The following INPP4A variants were observed in gnomAD, a reference collection of about 807,000 sequenced individuals.
The protein encoded by INPP4A is inositol polyphosphate-4-phosphatase, type I, 107kD.
In INPP4A, 33 loss-of-function variants were observed where a neutral mutation model predicts 119.8. The ratio of observed to expected loss-of-function variants is 0.28; its 90% CI spans 0.21 to 0.37. The LOEUF (loss-of-function observed/expected upper bound fraction) is 0.37, where lower values mean the gene tolerates loss of function less well. Ranked by LOEUF, INPP4A falls within the 10% of genes least tolerant of loss-of-function variation. The pLI, the probability that INPP4A is intolerant of heterozygous loss-of-function variation, is 1.00. For missense variants in INPP4A, 956 were observed against 1,289.9 expected, an observed-to-expected ratio of 0.74 and a Z score of 3.97; for synonymous variants, 496 against 500.7, an observed-to-expected ratio of 0.99 and a Z score of 0.12.
intron 1 of INPP4A, among the ~76,000 whole-genome samples, chr2:98,502,440 T>C (rs1683299774): frequency 6.6e-6 from 1 of 152,194 alleles, no homozygotes; most frequent in Admixed American, 6.5e-5. Context: ...ACCAAGAGTG[T>C]TTTAAAAAAT....
intron 1 of INPP4A, among the ~76,000 whole-genome samples, chr2:98,497,910 G>A (rs1273427235): frequency 6.6e-6 from 1 of 152,168 alleles, no homozygotes; most frequent in African/African-American, 2.4e-5. Context: ...CTCCCATTTG[G>A]AATGGCTGTG....
At chr2:98,455,314 G>T (rs1695934373) in intron 1 of INPP4A, among the ~76,000 whole-genome samples, 1 of 152,002 alleles carries the variant, frequency 6.6e-6, no homozygotes, top group Non-Finnish European at 1.5e-5. Context: ...CTCCAACCTG[G>T]GTGACAGAGT....
intron 13 of INPP4A, among the ~76,000 whole-genome samples, chr2:98,547,680 G>A (rs1212105434): frequency 6.6e-6 from 1 of 152,120 alleles, no homozygotes; most frequent in Non-Finnish European, 1.5e-5. Flanking sequence ...AAAGACAGAA[G>A]TGGATGAGGT....
intron 1 of INPP4A, among the ~76,000 whole-genome samples, chr2:98,482,215 T>G (rs751380049): frequency 3.3e-5 from 5 of 152,274 alleles, no homozygotes; most frequent in Non-Finnish European, 7.3e-5. Flanking sequence ...GTAAAATGTT[T>G]TCTGTATCCT....
intron 9 of INPP4A, 57 bp downstream of exon 9, chr2:98,539,038 C>A: frequency 9.9e-7 from 1 of 1,007,312 alleles, no homozygotes; most frequent in Non-Finnish European, 1.5e-6. Flanking sequence ...CACTTGGGCC[C>A]GCAGTCCCCT....
At chr2:98,452,421 G>A (rs1695387861) in intron 1 of INPP4A, among the ~76,000 whole-genome samples, 3 of 152,208 alleles carry the variant, frequency 2.0e-5, no homozygotes, top group Admixed American at 6.5e-5. Flanking sequence ...AGACTTCCAG[G>A]TGATTCTGAT....
chr2:98,444,730 C>G (rs897629989), upstream of INPP4A: 1 of 152,316 alleles, frequency 6.6e-6, no homozygotes, highest in East Asian at 1.9e-4. Context: ...GCTCGGTCAC[C>G]GGCCCTACTG....
intron 1 of INPP4A, among the ~76,000 whole-genome samples, chr2:98,511,424 G>T (rs1183232647): frequency 6.6e-6 from 1 of 152,204 alleles, no homozygotes; most frequent in Admixed American, 6.5e-5. Flanking sequence ...GCATGCTTGG[G>T]TGTTAAGTGT....
At chr2:98,491,803 A>G (rs1022168026) in intron 1 of INPP4A, among the ~76,000 whole-genome samples, 1 of 152,190 alleles carries the variant, frequency 6.6e-6, no homozygotes, top group Non-Finnish European at 1.5e-5. Flanking sequence ...TTGTCTTTAA[A>G]ATCAGGGAAG....
chr2:98,494,943 T>G (rs1681631551), intron 1 of INPP4A, among the ~76,000 whole-genome samples: 1 of 152,154 alleles, frequency 6.6e-6, no homozygotes, highest in South Asian at 2.1e-4. Context: ...ACAGCCCTGA[T>G]AAAATGATTG....
chr2:98,512,259 A>G (rs1685255738), intron 1 of INPP4A, among the ~76,000 whole-genome samples: 1 of 152,222 alleles, frequency 6.6e-6, no homozygotes, highest in Non-Finnish European at 1.5e-5. Flanking sequence ...AGGCTGAGAG[A>G]AGCTCAGCAG....
chr2:98,513,406 A>G lies in INPP4A; in HGVS notation c.-165-5558A>G, dbSNP rs373750121. Among the ~76,000 whole-genome samples the G allele has an allele frequency of 5.3e-5, 8 of 152,350 alleles. No homozygotes were observed. In the East Asian group the frequency reaches 9.6e-4, roughly 18 times the overall value. On this transcript the variant is annotated intron_variant, in intron 1 of 24. Coordinates refer to ENST00000409851, the MANE Select transcript of INPP4A (RefSeq NM_001134225.2). ...CCTGTTTTATCATTTGCTTTGCATT[A>G]AAAGTTGATTCATAGCACTTAACTT...
intron 1 of INPP4A, among the ~76,000 whole-genome samples, chr2:98,449,769 T>A (rs1187740460): frequency 6.6e-6 from 1 of 152,242 alleles, no homozygotes; most frequent in African/African-American, 2.4e-5. Flanking sequence ...GCTTGCTTTT[T>A]AAATTTGTAC....
intron 23 of INPP4A, among the ~76,000 whole-genome samples, chr2:98,574,810 A>T (rs985692631): frequency 6.6e-6 from 1 of 152,198 alleles, no homozygotes; most frequent in Non-Finnish European, 1.5e-5. Context: ...CTACCTGTCT[A>T]TTGCCATATA....
chr2:98,579,363 C>A (rs760239776), intron 24 of INPP4A, among the ~76,000 whole-genome samples: 30 of 152,206 alleles, frequency 2.0e-4, no homozygotes, highest in Non-Finnish European at 2.6e-4. Flanking sequence ...ATTTTACACA[C>A]TATAATTTAT....
rs529206114 is a variant in INPP4A at position 98,576,637 on chromosome 2, G to A, written c.2632-352G>A. Among the ~76,000 whole-genome samples the A allele has an allele frequency of 1.4e-4, 22 of 152,360 alleles. No individual in the cohort carries two copies. The South Asian group carries it at 4.1e-3, about 29-fold the overall frequency. ...GCCCTCTTTCCCTGAGGGATCAGCAGTGAAGGGCTGAACGTGATAAGAGGG... is the reference window on the plus strand; with the variant it reads ...GCCCTCTTTCCCTGAGGGATCAGCAATGAAGGGCTGAACGTGATAAGAGGG... On this transcript the variant is annotated intron_variant, in intron 23 of 24. Coordinates refer to ENST00000409851, the MANE Select transcript of INPP4A (RefSeq NM_001134225.2).
At position 98,566,020 on chromosome 2, in the gene INPP4A, T is replaced by A. The variant is rs1371288055; in HGVS notation, c.2280-9T>A. 1 of 1,603,452 alleles carries A rather than the reference T, an allele frequency of 6.2e-7. No homozygotes were observed. The highest frequency in any genetic ancestry group is 1.7e-5 in the Admixed American group (1 of 59,146). ...TCACACTGCTCTCCCTCTCTCCACC[T>A]TTCTCCAGCGACGGGTTTAACGTGC... On this transcript the variant is annotated splice_polypyrimidine_tract_variant and intron_variant, in intron 20 of 24. Coordinates refer to ENST00000409851, the MANE Select transcript of INPP4A (RefSeq NM_001134225.2). The surrounding 1 kb of genome is among the most constrained non-coding windows in gnomAD (Gnocchi z 4.2).
In INPP4A at chr2:98,546,857, G is replaced by A. The variant is rs1692568925; in HGVS notation, c.1163+163G>A. On this transcript the variant is annotated intron_variant, in intron 13 of 24. Transcript: ENST00000409851. This position sits in a 1 kb window ranked among gnomAD's most constrained non-coding sequence, Gnocchi z 4.2. ...ATGGAGCCTGTGCTGCTCTGTTTAT[G>A]TGTGACTGAGCTGGGTGGGTGATGA... 6.6e-6 allele frequency among the ~76,000 whole-genome samples: 1 copy of A among 152,240 alleles called. No homozygotes were observed. The highest frequency in any genetic ancestry group is 1.5e-5 in the Non-Finnish European group (1 of 68,050).
At chr2:98,557,481 T>C (rs1392894446) in intron 16 of INPP4A, among the ~76,000 whole-genome samples, 1 of 152,240 alleles carries the variant, frequency 6.6e-6, no homozygotes, top group Non-Finnish European at 1.5e-5. Flanking sequence ...TTGTCCACAG[T>C]GCCACAGCAT....
Sources: allele counts gnomAD v4.1 joint callset (sites outside exome capture counted in the v4.1 genomes callset), GRCh38; gene constraint gnomAD v4.1.1; non-coding constraint Gnocchi (gnomAD v3.1); transcripts MANE v1.5; gene names NCBI Gene and HGNC (gene_info 2026-07-23, HGNC 2026-07-21).